The following NAV2 variants were observed in gnomAD, a reference collection of about 807,000 sequenced individuals.
The protein encoded by NAV2 is neuron navigator 2, also known as helicase, APC down-regulated 1.
A neutral mutation model predicts 223.2 loss-of-function variants in NAV2; 54 were observed. The observed-to-expected ratio is 0.24, with a 90% confidence interval of 0.19 to 0.30. The LOEUF is 0.30. NAV2 is among the 10% of genes least tolerant of loss of function. The probability of loss-of-function intolerance (pLI) is 1.00; values close to 1 mark genes in which losing one functional copy is unlikely to be tolerated. For missense variants in NAV2, 2,806 were observed against 3,147.5 expected (o/e 0.89, Z 2.60); for synonymous variants, 1,279 against 1,239.3 (o/e 1.03, Z -0.67).
chr11:19,859,416 G>T lies in NAV2; in HGVS notation c.439-9509G>T, dbSNP rs572096692. On this transcript the variant is annotated intron_variant, in intron 3 of 37. Transcript: ENST00000349880. ...CACCGCCCTTAATCCATTTAACCCT[G>T]AGTGGACACAGCACATGTTTCACAG... 5.8e-4 allele frequency among the ~76,000 whole-genome samples: 86 copies of T among 148,810 alleles called. 1 individual carries two copies. Among genetic ancestry groups the T allele is most frequent in the Non-Finnish European group, 1.1e-3 (73 of 67,120 alleles).
At chr11:19,440,556 T>C (rs1851365223) in intron 1 of NAV2, among the ~76,000 whole-genome samples, 1 of 152,140 alleles carries the variant, frequency 6.6e-6, no homozygotes, top group Non-Finnish European at 1.5e-5. Flanking sequence ...CTTATATAAC[T>C]CTAGTCATTC....
chr11:19,470,463 C>A (rs963963790), intron 1 of NAV2, among the ~76,000 whole-genome samples: 1 of 152,186 alleles, frequency 6.6e-6, no homozygotes, highest in Admixed American at 6.5e-5. Flanking sequence ...ATCAAGAAGA[C>A]GGCATCTTGT....
chr11:19,405,869 C>T (rs1180895791), intron 1 of NAV2, among the ~76,000 whole-genome samples: 2 of 152,102 alleles, frequency 1.3e-5, no homozygotes, highest in African/African-American at 4.8e-5. Flanking sequence ...CAAAAAGAGC[C>T]CTGTAAAAAT....
At chr11:20,047,068 T>C (rs986532006) in intron 14 of NAV2, among the ~76,000 whole-genome samples, 2 of 151,802 alleles carry the variant, frequency 1.3e-5, no homozygotes, top group Non-Finnish European at 2.9e-5. Context: ...TCAGTAACGA[T>C]TTTTTTTTCC....
chr11:19,517,744 C>A (rs140771835), intron 1 of NAV2, among the ~76,000 whole-genome samples: 2 of 152,182 alleles, frequency 1.3e-5, no homozygotes, highest in African/African-American at 4.8e-5. Flanking sequence ...TGGTTCCCAC[C>A]CTGGTGTCCC....
intron 5 of NAV2, among the ~76,000 whole-genome samples, chr11:19,891,051 C>T (rs1481038486): frequency 1.3e-5 from 2 of 152,082 alleles, no homozygotes; most frequent in African/African-American, 4.8e-5. Flanking sequence ...TTTTACAGTC[C>T]CCTCACACCA....
At chr11:19,643,411 G>A (rs1173038569) in intron 1 of NAV2, among the ~76,000 whole-genome samples, 6 of 148,922 alleles carry the variant, frequency 4.0e-5, no homozygotes, top group East Asian at 2.0e-4. Flanking sequence ...GAGAACATGC[G>A]GTGTTTGGTT....
chr11:19,677,754 G>A (rs73426604), intron 1 of NAV2, among the ~76,000 whole-genome samples: 4,231 of 152,298 alleles, frequency 0.028, 133 homozygotes, highest in East Asian at 0.081. Context: ...AGCTGGCCAC[G>A]TTTTTGTAAA....
intron 1 of NAV2, among the ~76,000 whole-genome samples, chr11:19,620,171 T>C (rs546487450): frequency 3.1e-3 from 473 of 152,274 alleles, no homozygotes; most frequent in African/African-American, 0.011. Flanking sequence ...AGCCTTGTAG[T>C]ATAGTTTGAA....
intron 1 of NAV2, among the ~76,000 whole-genome samples, chr11:19,419,920 G>A (rs1424751000): frequency 6.6e-6 from 1 of 152,180 alleles, no homozygotes; most frequent in Non-Finnish European, 1.5e-5. Flanking sequence ...GCAGTTTGCT[G>A]TGAGGGTGAG....
At chr11:19,756,649 TTTC>T (rs1354079423) in intron 1 of NAV2, among the ~76,000 whole-genome samples, 1 of 152,188 alleles carries the variant, frequency 6.6e-6, no homozygotes, top group Non-Finnish European at 1.5e-5. Flanking sequence ...GTGGCAGCCT[TTTC>T]TTCTTTTTGG....
intron 7 of NAV2, among the ~76,000 whole-genome samples, chr11:19,937,508 T>C (rs2046013909): frequency 6.6e-6 from 1 of 152,240 alleles, no homozygotes; most frequent in Non-Finnish European, 1.5e-5. Flanking sequence ...TATAGTTTAC[T>C]AAGAGTTGTG....
intron 6 of NAV2, among the ~76,000 whole-genome samples, chr11:19,915,261 CCT>C (rs1244592069): frequency 6.6e-6 from 1 of 152,190 alleles, no homozygotes; most frequent in East Asian, 1.9e-4. Context: ...GGAGAAATCC[CCT>C]GTCAGAAGTT....
chr11:20,054,137 C>G lies in NAV2; in HGVS notation c.4539C>G (p.Ser1513=). Residue 1513 remains serine, a synonymous_variant, in exon 18 of 38, where the codon TCC becomes TCG. Transcript: ENST00000349880. ...TQEDAKEWLR[S]HSAGGLQDTA... is the part of the protein sequence containing the mutation. Reference sequence around the variant, plus strand: ...AAGATGCAAAAGAATGGTTACGGTCCCATTCTGCAGGAGGCCTTCAGGACA... The same window carrying G: ...AAGATGCAAAAGAATGGTTACGGTCGCATTCTGCAGGAGGCCTTCAGGACA... 6.2e-7 allele frequency: 1 copy of G among 1,613,674 alleles called. No homozygotes were observed.
At chr11:19,846,199 G>A (rs1409315665) in intron 3 of NAV2, among the ~76,000 whole-genome samples, 1 of 152,190 alleles carries the variant, frequency 6.6e-6, no homozygotes, top group Non-Finnish European at 1.5e-5. Context: ...TGGAGAATGG[G>A]TTTACTTGAG....
At chr11:19,850,554 C>T (rs1273569104) in intron 3 of NAV2, among the ~76,000 whole-genome samples, 2 of 152,128 alleles carry the variant, frequency 1.3e-5, no homozygotes, top group Non-Finnish European at 2.9e-5. Context: ...TTTGAGCACT[C>T]AGTATTAATT....
At position 19,879,888 on chromosome 11, in the gene NAV2, C is replaced by G. The variant is rs1319177440; in HGVS notation, c.531C>G (p.Leu177=). The G allele has an allele frequency of 1.2e-6, 2 of 1,613,832 alleles. No homozygotes were observed. The highest frequency in any genetic ancestry group is 2.7e-5 in the African/African-American group (2 of 74,892). ...TTGCAGAGATCAGGAATGGAAACCT[C>G]AAGGCCATTCTAGGCCTCTTCTTCA... The part of the protein sequence containing the change: ...LSAEEIRNGN[L]KAILGLFFSL... The change falls in exon 5 of 38, where the codon CTC becomes CTG. Residue 177 remains leucine (L), a synonymous_variant. Coordinates refer to ENST00000349880, the MANE Select transcript of NAV2 (RefSeq NM_145117.5).
chr11:19,374,644 G>T (rs1848582247), intron 1 of NAV2, among the ~76,000 whole-genome samples: 1 of 152,220 alleles, frequency 6.6e-6, no homozygotes, highest in Non-Finnish European at 1.5e-5. Flanking sequence ...TAATGAGCTA[G>T]ATCAACTCTT....
chr11:20,037,370 T>TA (rs34272740), intron 12 of NAV2, among the ~76,000 whole-genome samples: 4,282 of 140,304 alleles, frequency 0.031, 142 homozygotes, highest in African/African-American at 0.082. Flanking sequence ...ACAATAGGGC[T>TA]AAAAAAAAAA....
Sources: allele counts gnomAD v4.1 joint callset (sites outside exome capture counted in the v4.1 genomes callset), GRCh38; gene constraint gnomAD v4.1.1; transcripts MANE v1.5; gene names NCBI Gene and HGNC (gene_info 2026-07-23, HGNC 2026-07-21).